SLC23A2: variants seen among roughly 807,000 people sequenced by gnomAD.
SLC23A2 encodes the protein Na(+)/L-ascorbic acid transporter 2.
In SLC23A2, 36 loss-of-function variants were observed where a neutral mutation model predicts 73.3. The ratio of observed to expected loss-of-function variants is 0.49; its 90% confidence interval spans 0.38 to 0.65. SLC23A2 has a LOEUF of 0.65. Ranked by LOEUF, SLC23A2 falls within the 30% of genes least tolerant of loss-of-function variation. The pLI is 0.00. For synonymous variants in SLC23A2, 343 were observed against 327.3 expected, an observed-to-expected ratio of 1.05 and a Z score of -0.52; for missense variants, 507 against 841.6, an observed-to-expected ratio of 0.60 and a Z score of 4.92.
chr20:4,992,042 A>G (rs1969715), intron 1 of SLC23A2, among the ~76,000 whole-genome samples: 51,716 of 151,594 alleles, frequency 0.34, 9,673 homozygotes, highest in Admixed American at 0.41. Flanking sequence ...CCTGGGAGGC[A>G]GAGGTTGCAG....
intron 6 of SLC23A2, among the ~76,000 whole-genome samples, chr20:4,890,410 C>T (rs913379959): frequency 2.6e-5 from 4 of 151,942 alleles, no homozygotes; most frequent in Admixed American, 6.6e-5. Flanking sequence ...CCCAGTACTT[C>T]GGGAGGCCAA....
intron 2 of SLC23A2, among the ~76,000 whole-genome samples, chr20:4,959,219 C>CAAA (rs34519143): frequency 1.1e-4 from 12 of 113,668 alleles, no homozygotes; most frequent in African/African-American, 3.4e-4. Flanking sequence ...AACTCTGTCT[C>CAAA]AAAAAAAAAA....
chr20:4,942,190 C>G (rs1253930682), intron 2 of SLC23A2, among the ~76,000 whole-genome samples: 1 of 152,058 alleles, frequency 6.6e-6, no homozygotes, highest in Non-Finnish European at 1.5e-5. Flanking sequence ...GCTGTGAGCT[C>G]AGGATACAGC....
intron 1 of SLC23A2, among the ~76,000 whole-genome samples, chr20:4,994,015 G>A (rs1023694383): frequency 3.9e-5 from 6 of 152,106 alleles, no homozygotes; most frequent in South Asian, 2.1e-4. Context: ...TCTTGAGCCC[G>A]GGAGGCAGAA....
At chr20:4,874,147 A>AAAAAACAGGTGTTGGC in intron 10 of SLC23A2, 55 bp from the exon 11 acceptor site, 1 of 1,551,946 alleles carries the variant, frequency 6.4e-7, no homozygotes, top group Non-Finnish European at 8.8e-7. Flanking sequence ...AGGTGTTGGC[A>AAAAAACAGGTGTTGGC]AAAAACACGT....
chr20:4,950,960 T>C (rs1600164911), intron 2 of SLC23A2, among the ~76,000 whole-genome samples: 1 of 152,132 alleles, frequency 6.6e-6, no homozygotes, highest in Middle Eastern at 3.4e-3. Flanking sequence ...TAGCAGAAAC[T>C]GGGGAGAAGG....
chr20:4,867,784 A>G lies in SLC23A2; in HGVS notation c.1342T>C (p.Leu448=), dbSNP rs764172180. 1 of 1,588,690 alleles carries G rather than the reference A, an allele frequency of 6.3e-7. No homozygotes were observed. Among genetic ancestry groups the G allele is most frequent in the South Asian group, 1.1e-5 (1 of 90,342 alleles). Residue 448 remains leucine (L), a synonymous_variant, in exon 13 of 17, where the codon TTG becomes CTG. Coordinates refer to ENST00000338244, the MANE Select transcript of SLC23A2 (RefSeq NM_005116.6). The stretch of plus-strand genomic sequence containing the variant: ...AATCTGTGTACCTTTGTAATTCCCA[A>G]AACTCCAATGTTGGGACTGGATGAA... The part of the protein sequence containing the change: ...STSSSPNIGV[L]GITKVGSRRV...
In SLC23A2 at chr20:4,978,836, G is replaced by A. The variant is rs2087683778; in HGVS notation, c.-281-7917C>T. Among the ~76,000 whole-genome samples the A allele has an allele frequency of 2.0e-5, 3 of 152,130 alleles. No homozygotes were observed. In the South Asian group the frequency reaches 6.2e-4, roughly 32 times the overall value. ...TAGCAAACCCCTAAAACCTAGCTAGGACAAGTGTTTCCAGAGAGCTGGAAT... is the reference window on the plus strand; with the variant it reads ...TAGCAAACCCCTAAAACCTAGCTAGAACAAGTGTTTCCAGAGAGCTGGAAT... On this transcript the variant is annotated intron_variant, in intron 1 of 16. Transcript: ENST00000338244.
At position 4,862,957 on chromosome 20, in the gene SLC23A2, A is replaced by G; in HGVS notation, c.1357-50T>C. ...AAACAGGGACTCATCTCCATGCAAA[A>G]TCACCGTAAGTTACTAAAGAACACA... is the stretch of plus-strand genomic sequence containing the variant. On this transcript the variant is annotated intron_variant, in intron 13 of 16. Transcript: ENST00000338244. This position sits in a 1 kb window ranked among gnomAD's most constrained non-coding sequence, Gnocchi z 5.1. 1.3e-6 allele frequency: 2 copies of G among 1,579,668 alleles called. No homozygotes were observed. The highest frequency in any genetic ancestry group is 1.7e-6 in the Non-Finnish European group (2 of 1,156,054).
At position 4,998,779 on chromosome 20, in the gene SLC23A2, T is replaced by C. The variant is rs891798650; in HGVS notation, c.-282+2627A>G. Among the ~76,000 whole-genome samples, 1 of 151,692 alleles carries C rather than the reference T, an allele frequency of 6.6e-6. No homozygotes were observed. The highest frequency in any genetic ancestry group is 1.5e-5 in the Non-Finnish European group (1 of 67,972). ...TTCAATTTACATGTACAAAGCACCA[T>C]ATAATTTCAAATCATTACTGTTGAT... On this transcript the variant is annotated intron_variant, in intron 1 of 16. Coordinates refer to ENST00000338244, the MANE Select transcript of SLC23A2 (RefSeq NM_005116.6). The surrounding 1 kb of genome is among the most constrained non-coding windows in gnomAD (Gnocchi z 4.1).
At chr20:4,917,056 G>T (rs1022176229) in intron 3 of SLC23A2, among the ~76,000 whole-genome samples, 1 of 152,180 alleles carries the variant, frequency 6.6e-6, no homozygotes, top group Non-Finnish European at 1.5e-5. Context: ...ACAAATTGTG[G>T]TTGTATCCCA....
intron 9 of SLC23A2, among the ~76,000 whole-genome samples, chr20:4,879,164 T>C (rs1192174145): frequency 6.6e-6 from 1 of 152,118 alleles, no homozygotes; most frequent in Non-Finnish European, 1.5e-5. Flanking sequence ...CCCAGCACTT[T>C]GGGAGGCTGA....
intron 9 of SLC23A2, among the ~76,000 whole-genome samples, chr20:4,877,574 A>AT (rs891130912): frequency 5.9e-5 from 9 of 152,250 alleles, no homozygotes; most frequent in African/African-American, 1.4e-4. Context: ...CAATCATGAG[A>AT]TTTTTTTGAG....
intron 6 of SLC23A2, among the ~76,000 whole-genome samples, chr20:4,897,285 T>C (rs1196627832): frequency 1.3e-5 from 2 of 152,170 alleles, no homozygotes; most frequent in Non-Finnish European, 2.9e-5. Flanking sequence ...CACCTGCACC[T>C]GCCCAGCAGC....
At chr20:4,874,881 A>G (rs780313218) in intron 9 of SLC23A2, among the ~76,000 whole-genome samples, 185 bp from the exon 10 acceptor site, 3 of 152,228 alleles carry the variant, frequency 2.0e-5, no homozygotes, top group Non-Finnish European at 4.4e-5. Flanking sequence ...TGGAAATACT[A>G]CTGTGGGGGA....
intron 1 of SLC23A2, among the ~76,000 whole-genome samples, chr20:4,973,775 C>T (rs925851579): frequency 6.6e-6 from 1 of 152,170 alleles, no homozygotes; most frequent in African/African-American, 2.4e-5. Flanking sequence ...TCAGAGGAAA[C>T]ATCACTTGGG....
intron 4 of SLC23A2, among the ~76,000 whole-genome samples, chr20:4,907,513 T>C (rs62200384): frequency 3.8e-4 from 58 of 152,272 alleles, no homozygotes; most frequent in Non-Finnish European, 7.1e-4. Context: ...AAAAATAAAG[T>C]TACTTCAATT....
chr20:4,871,575 G>A (rs994168878), intron 11 of SLC23A2, among the ~76,000 whole-genome samples: 13 of 152,278 alleles, frequency 8.5e-5, no homozygotes, highest in African/African-American at 3.1e-4. Flanking sequence ...ATTGGGAAGA[G>A]AAAGGATACA....
chr20:4,892,669 C>G (rs977862847), intron 6 of SLC23A2, among the ~76,000 whole-genome samples: 1 of 152,156 alleles, frequency 6.6e-6, no homozygotes, highest in Non-Finnish European at 1.5e-5. Flanking sequence ...CCTAAATCAA[C>G]CATGCCTCCA....
Sources: allele counts gnomAD v4.1 joint callset (sites outside exome capture counted in the v4.1 genomes callset), GRCh38; gene constraint gnomAD v4.1.1; non-coding constraint Gnocchi (gnomAD v3.1); transcripts MANE v1.5; gene names NCBI Gene and HGNC (gene_info 2026-07-23, HGNC 2026-07-21).